Variants in SDK2 observed in about 807,000 individuals in gnomAD.
SDK2 encodes sidekick cell adhesion molecule 2.
A neutral mutation model predicts 253.9 loss-of-function variants in SDK2; 105 were observed. The ratio of observed to expected loss-of-function variants is 0.41; its 90% CI spans 0.35 to 0.49. The LOEUF (loss-of-function observed/expected upper bound fraction) is 0.49. SDK2 is among the 20% of genes least tolerant of loss of function. SDK2 has a pLI of 0.06. For synonymous variants in SDK2, 1,249 were observed against 1,234.9 expected, an observed-to-expected ratio of 1.01 and a Z score of -0.24; for missense variants, 2,608 against 3,003.0, an observed-to-expected ratio of 0.87 and a Z score of 3.07.
At chr17:73,365,484 G>A (rs2062677062) in intron 37 of SDK2, 89 bp from the exon 38 acceptor site, 1 of 1,378,356 alleles carries the variant, frequency 7.3e-7, no homozygotes, top group Non-Finnish European at 9.7e-7. Flanking sequence ...CGGGAGTATT[G>A]GGTCTGAGCC....
chr17:73,387,780 G>A lies in SDK2; in HGVS notation c.4394+56C>T, dbSNP rs1020321888. Reference sequence around the variant, plus strand: ...GCCCCCTACCCAGTGGAGGAGCACCGCTGGTCCCGGCGGGGAGAGGGGCAG... The same window carrying A: ...GCCCCCTACCCAGTGGAGGAGCACCACTGGTCCCGGCGGGGAGAGGGGCAG... On this transcript the variant is annotated intron_variant, in intron 30 of 44. Coordinates refer to ENST00000392650, the MANE Select transcript of SDK2 (RefSeq NM_001144952.2). The A allele has an allele frequency of 3.5e-5, 51 of 1,443,698 alleles. No individual in the cohort carries two copies. The Middle Eastern group carries it at 6.2e-4, about 18-fold the overall frequency. The allele number at this position is 1,443,698 out of a possible 1,614,324, so 89.4% of individuals were successfully genotyped here.
chr17:73,555,191 A>G (rs6501652), intron 1 of SDK2, among the ~76,000 whole-genome samples: 75,787 of 152,144 alleles, frequency 0.5, 19,710 homozygotes, highest in African/African-American at 0.66. Context: ...AGAGGAGAGG[A>G]TGGTAACCAG....
At chr17:73,449,602 CTTTTTTTT>C (rs33923010) in intron 4 of SDK2, among the ~76,000 whole-genome samples, 4 of 94,342 alleles carry the variant, frequency 4.2e-5, no homozygotes, top group African/African-American at 8.0e-5. Context: ...CCCCCCACCT[CTTTTTTTT>C]TTTTTTTTTT....
At chr17:73,386,110 A>G (rs889308393) in intron 31 of SDK2, among the ~76,000 whole-genome samples, 193 bp from the exon 32 acceptor site, 1 of 152,082 alleles carries the variant, frequency 6.6e-6, no homozygotes, top group Non-Finnish European at 1.5e-5. Flanking sequence ...CTGTGAGCTG[A>G]CTCAGCCCAA....
At position 73,353,979 on chromosome 17, in the gene SDK2, G is replaced by T. The variant is rs575749438; in HGVS notation, c.5594-1342C>A. 2.0e-5 allele frequency among the ~76,000 whole-genome samples: 3 copies of T among 152,046 alleles called. No individual in the cohort carries two copies. In the East Asian group the frequency reaches 5.8e-4, roughly 29 times the overall value. ...CTTGGCCTCCCAAAGAGGATTACAC[G>T]TGTGAGCCACCATGCCCGGTCTTTT... On this transcript the variant is annotated intron_variant, in intron 40 of 44. Transcript: ENST00000392650.
chr17:73,466,978 C>A (rs4789644), intron 3 of SDK2, among the ~76,000 whole-genome samples: 11,148 of 152,200 alleles, frequency 0.073, 552 homozygotes, highest in African/African-American at 0.13. Context: ...CCAAGACATG[C>A]CGTTATTTCA....
rs913445329 is a variant in SDK2, at chr17:73,379,716, G to A, written c.4763-167C>T. ...AGGAGGTGAGAGGCGGGGCCCCCAG[G>A]GGACGCTCTGTGCCAATCTGGACAT... is the stretch of plus-strand genomic sequence containing the variant. On this transcript the variant is annotated intron_variant, in intron 34 of 44. Coordinates refer to ENST00000392650, the MANE Select transcript of SDK2 (RefSeq NM_001144952.2). This position sits in a 1 kb window ranked among gnomAD's most constrained non-coding sequence, Gnocchi z 4.5. 4.6e-5 allele frequency among the ~76,000 whole-genome samples: 7 copies of A among 152,092 alleles called. No individual in the cohort carries two copies. Among genetic ancestry groups the A allele is most frequent in the Admixed American group, 2.6e-4 (4 of 15,274 alleles).
rs772100767 is a variant in SDK2, at chr17:73,414,695, G to A, written c.2433C>T (p.Thr811=). ...EATNSTTIRF[T]WNAPSPQFIN... ...TGAACTGGGGGCTGGGGGCGTTCCA[G>A]GTGAAGCGGATGGTCGTGGAATTGG... The change falls in exon 18 of 45, where the codon ACC becomes ACT. Residue 811 remains threonine (T), a synonymous_variant. Transcript: ENST00000392650. 4 of 1,613,848 alleles carry A rather than the reference G, an allele frequency of 2.5e-6. No individual in the cohort carries two copies. The highest frequency in any genetic ancestry group is 4.5e-5 in the East Asian group (2 of 44,880).
intron 1 of SDK2, among the ~76,000 whole-genome samples, chr17:73,628,006 C>A (rs139334433): frequency 0.023 from 3,457 of 152,254 alleles, 118 homozygotes; most frequent in African/African-American, 0.079. Flanking sequence ...GAGCCGAGAT[C>A]GTGCCACTGC....
rs979806248 is a variant in SDK2 at position 73,599,604 on chromosome 17, A to G, written c.64+44421T>C. On this transcript the variant is annotated intron_variant, in intron 1 of 44. Coordinates refer to ENST00000392650, the MANE Select transcript of SDK2 (RefSeq NM_001144952.2). ...AAAGAGGAGGAGAGAGGGAGCAAGG[A>G]AGGAGGGAGGAAAGGGGGAAGAGGA... 3.9e-5 allele frequency among the ~76,000 whole-genome samples: 6 copies of G among 151,984 alleles called. 1 individual carries two copies. Among genetic ancestry groups the G allele is most frequent in the Non-Finnish European group, 5.9e-5 (4 of 67,994 alleles).
intron 18 of SDK2, among the ~76,000 whole-genome samples, chr17:73,407,344 A>C (rs1239509226): frequency 6.6e-6 from 1 of 152,212 alleles, no homozygotes; most frequent in Non-Finnish European, 1.5e-5. Flanking sequence ...CTCACCATCA[A>C]GTCGAAGAGG....
In SDK2 at chr17:73,437,998, G is replaced by A; in HGVS notation, c.882C>T (p.Pro294=). The A allele has an allele frequency of 6.4e-7, 1 of 1,551,172 alleles. No homozygotes were observed. Among genetic ancestry groups the A allele is most frequent in the Non-Finnish European group, 8.7e-7 (1 of 1,146,814 alleles). ...CEAVLRSSSV[P]SVVRGAYLSV... ...AGAGGTAGGCGCCCCGGACAACAGA[G>A]GGGACGCTGCTGCTGCGCAGGACAG... The change falls in exon 7 of 45, where the codon CCC becomes CCT. Residue 294 remains proline, a synonymous_variant. Transcript: ENST00000392650.
At chr17:73,543,449 GT>G (rs1350340378) in intron 1 of SDK2, among the ~76,000 whole-genome samples, 2 of 152,216 alleles carry the variant, frequency 1.3e-5, no homozygotes, top group African/African-American at 4.8e-5. Context: ...ATTCCTCCAT[GT>G]GCAGATGCAG....
intron 3 of SDK2, among the ~76,000 whole-genome samples, chr17:73,463,725 G>C (rs2063579303): frequency 6.6e-6 from 1 of 151,966 alleles, no homozygotes; most frequent in Non-Finnish European, 1.5e-5. Context: ...ACATTTTTTT[G>C]GGGGGGCTCC....
At chr17:73,448,586 G>A (rs748071273) in intron 4 of SDK2, among the ~76,000 whole-genome samples, 1 of 151,666 alleles carries the variant, frequency 6.6e-6, no homozygotes, top group East Asian at 1.9e-4. Flanking sequence ...GGATGGTCTC[G>A]ATCTCCTGAC....
At position 73,335,561 on chromosome 17, in the gene SDK2, A is replaced by C. The variant is rs1001771610; in HGVS notation, c.*3026T>G. The C allele has an allele frequency of 6.6e-6, 1 of 152,288 alleles. No individual in the cohort carries two copies. The highest frequency in any genetic ancestry group is 2.4e-5 in the African/African-American group (1 of 41,462). 9.4% of individuals were successfully genotyped at this position (152,288 alleles called of 1,614,324 possible). A position where few individuals can be genotyped will look rare whatever the true frequency, so the allele number is the denominator to read the frequency against. On this transcript the variant is annotated 3_prime_UTR_variant, in exon 45 of 45. Coordinates refer to ENST00000392650, the MANE Select transcript of SDK2 (RefSeq NM_001144952.2). ...CAAGGGCAAAGAGACGTGTCCTGAA[A>C]AAATCTAGAGTTCCACAGCTGCAGG...
intron 32 of SDK2, 52 bp downstream of exon 32, chr17:73,385,795 G>A (rs2062866843): frequency 6.6e-7 from 1 of 1,517,130 alleles, no homozygotes; most frequent in African/African-American, 1.4e-5. Context: ...TCCAGTCCCA[G>A]AGCAGAGCTC....
chr17:73,608,876 G>C (rs1200598487), intron 1 of SDK2, among the ~76,000 whole-genome samples: 1 of 152,218 alleles, frequency 6.6e-6, no homozygotes, highest in African/African-American at 2.4e-5. Flanking sequence ...GGTGACTGCA[G>C]TGGCTCAGGA....
chr17:73,515,976 T>G (rs2064023213), intron 1 of SDK2, among the ~76,000 whole-genome samples: 1 of 152,024 alleles, frequency 6.6e-6, no homozygotes, highest in Non-Finnish European at 1.5e-5. Context: ...CACAAACCAT[T>G]GGGGGTGACC....
Sources: gnomAD v4.1 joint callset for allele counts (sites outside exome capture counted in the v4.1 genomes callset) on GRCh38, gnomAD v4.1.1 for gene constraint, Gnocchi (gnomAD v3.1) non-coding constraint, MANE v1.5 for transcripts, NCBI Gene and HGNC (gene_info 2026-07-23, HGNC 2026-07-21) for gene names.